AOPEP: variants seen among roughly 807,000 people sequenced by gnomAD.
AOPEP encodes the protein aminopeptidase O (putative).
In AOPEP, 77 loss-of-function variants were observed where a neutral mutation model predicts 98.1. That is an observed-to-expected ratio of 0.78 (90% CI 0.65 to 0.95). The LOEUF is 0.95. Ranked by LOEUF, AOPEP falls within the 40% of genes least tolerant of loss-of-function variation. AOPEP has a pLI of 0.00. For missense variants in AOPEP, 1,024 were observed against 1,024.7 expected, an observed-to-expected ratio of 1.00 and a Z score of 0.01; for synonymous variants, 346 against 365.3, an observed-to-expected ratio of 0.95 and a Z score of 0.60.
chr9:95,126,110 T>A, the AOPEP span, among the ~76,000 whole-genome samples: 5 of 152,218 alleles, frequency 3.3e-5, no homozygotes, highest in African/African-American at 1.2e-4. Flanking sequence ...TCAGAAGAGT[T>A]CTGTTAAGAA....
Position 94,748,891 on chromosome 9 carries a change from C to T in AOPEP, c.-135-10758C>T, listed in dbSNP as rs1258715063. Among the ~76,000 whole-genome samples, 3 of 152,170 alleles carry T rather than the reference C, an allele frequency of 2.0e-5. No homozygotes were observed. The East Asian group carries it at 5.8e-4, about 29-fold the overall frequency. ...ATAATGATAACAATATGACTTATCACTGGTGATATTAAACTTGATTAAACT... is the reference window on the plus strand; with the variant it reads ...ATAATGATAACAATATGACTTATCATTGGTGATATTAAACTTGATTAAACT... On this transcript the variant is annotated intron_variant, in intron 1 of 16. Coordinates refer to ENST00000375315, the MANE Select transcript of AOPEP (RefSeq NM_001193329.3).
intron 5 of AOPEP, among the ~76,000 whole-genome samples, chr9:94,862,648 A>G (rs774003477): frequency 7.2e-5 from 11 of 152,136 alleles, no homozygotes; most frequent in Non-Finnish European, 1.3e-4. Flanking sequence ...GCCTCCCTGG[A>G]ACCTTCTCCC....
At chr9:95,060,203 C>G (rs1313725081) in intron 13 of AOPEP, among the ~76,000 whole-genome samples, 1 of 152,130 alleles carries the variant, frequency 6.6e-6, no homozygotes, top group Non-Finnish European at 1.5e-5. Context: ...ACAGTTCTTT[C>G]AGTATGTGCT....
intron 11 of AOPEP, among the ~76,000 whole-genome samples, chr9:94,987,965 G>T (rs1172995753): frequency 6.6e-6 from 1 of 152,138 alleles, no homozygotes; most frequent in African/African-American, 2.4e-5. Flanking sequence ...TGGGTCAGCA[G>T]CCTTGCCTGG....
chr9:94,730,453 G>A (rs1031153821), intron 1 of AOPEP, among the ~76,000 whole-genome samples: 10 of 152,148 alleles, frequency 6.6e-5, no homozygotes, highest in Admixed American at 3.9e-4. Flanking sequence ...ACTTCCAGGC[G>A]TAGTGACCAT....
At chr9:95,083,727 G>C (rs1394383326) in intron 16 of AOPEP, among the ~76,000 whole-genome samples, 1 of 152,058 alleles carries the variant, frequency 6.6e-6, no homozygotes, top group Non-Finnish European at 1.5e-5. Flanking sequence ...GGCACACACA[G>C]TGCACGCACC....
At chr9:94,992,997 G>A (rs951284792) in intron 11 of AOPEP, among the ~76,000 whole-genome samples, 26 of 152,114 alleles carry the variant, frequency 1.7e-4, no homozygotes, top group African/African-American at 6.3e-4. Context: ...TTCTTTTCCA[G>A]TGGAAAATTG....
At chr9:94,988,332 G>C (rs992541137) in intron 11 of AOPEP, among the ~76,000 whole-genome samples, 8 of 152,076 alleles carry the variant, frequency 5.3e-5, no homozygotes, top group African/African-American at 1.9e-4. Flanking sequence ...AGAGTCGATT[G>C]CCCACAGCTT....
chr9:94,742,495 G>A (rs1020867343), intron 1 of AOPEP, among the ~76,000 whole-genome samples: 2 of 151,566 alleles, frequency 1.3e-5, no homozygotes, highest in Non-Finnish European at 2.9e-5. Context: ...GTGCAGTGGC[G>A]CGATCCTTGG....
At chr9:95,020,397 T>G (rs1352241668) in intron 13 of AOPEP, among the ~76,000 whole-genome samples, 2 of 152,160 alleles carry the variant, frequency 1.3e-5, no homozygotes, top group African/African-American at 2.4e-5. Flanking sequence ...TATTGAGGAC[T>G]TTTCCATTTG....
At chr9:95,107,842 G>A in the AOPEP span, among the ~76,000 whole-genome samples, 3 of 152,248 alleles carry the variant, frequency 2.0e-5, no homozygotes, top group East Asian at 1.9e-4. Flanking sequence ...CTGTTCATAC[G>A]TGTTTAATGC....
rs1366705468 is a variant in AOPEP at position 94,760,219 on chromosome 9, T to C, written c.436T>C (p.Leu146=). Residue 146 remains leucine (L), a synonymous_variant, in exon 2 of 17, where the codon TTG becomes CTG. Coordinates refer to ENST00000375315, the MANE Select transcript of AOPEP (RefSeq NM_001193329.3). Reference sequence around the variant, plus strand: ...TGGGAGTGAGGATTTTTTGCTAGTGTTGGACTGCTGTGATTTATCTGTGTT... The same window carrying C: ...TGGGAGTGAGGATTTTTTGCTAGTGCTGGACTGCTGTGATTTATCTGTGTT... The part of the protein sequence containing the change: ...NHGSEDFLLV[L]DCCDLSVLKV... 1.9e-6 allele frequency: 3 copies of C among 1,614,062 alleles called. No individual in the cohort carries two copies. Among genetic ancestry groups the C allele is most frequent in the African/African-American group, 2.7e-5 (2 of 74,914 alleles).
At chr9:94,967,037 T>C (rs940776905) in intron 9 of AOPEP, among the ~76,000 whole-genome samples, 1 of 152,158 alleles carries the variant, frequency 6.6e-6, no homozygotes, top group African/African-American at 2.4e-5. Flanking sequence ...GGAAAGTGGA[T>C]AGGGCGGGAT....
rs2064421024 is a variant in AOPEP at position 95,032,648 on chromosome 9, C to A, written c.2115+27032C>A. On this transcript the variant is annotated intron_variant, in intron 13 of 16. Transcript: ENST00000375315. ...ACTCTGCTCTAGGCACAAAACCTCA[C>A]TTTGGAATACTTCACCTGCAACAGA... 2.0e-5 allele frequency among the ~76,000 whole-genome samples: 3 copies of A among 152,194 alleles called. 1 individual carries two copies. The highest frequency in any genetic ancestry group is 7.2e-5 in the African/African-American group (3 of 41,448).
At chr9:94,757,431 A>C (rs1837308878) in intron 1 of AOPEP, among the ~76,000 whole-genome samples, 2 of 152,234 alleles carry the variant, frequency 1.3e-5, no homozygotes, top group African/African-American at 2.4e-5. Flanking sequence ...TAGAGGCGGC[A>C]GTGGTTAGCC....
the AOPEP span, among the ~76,000 whole-genome samples, chr9:95,108,909 C>CT: frequency 7.6e-4 from 110 of 144,332 alleles, no homozygotes; most frequent in South Asian, 6.8e-3. Flanking sequence ...TCTTCAAGAC[C>CT]TTTTTTTTTT....
chr9:94,871,053 G>A (rs1461684592), intron 5 of AOPEP, among the ~76,000 whole-genome samples: 2 of 152,214 alleles, frequency 1.3e-5, no homozygotes, highest in South Asian at 2.1e-4. Context: ...TAATGTGGGT[G>A]TGGGCGCAGG....
chr9:94,857,394 G>T (rs897993451), intron 5 of AOPEP, among the ~76,000 whole-genome samples: 2 of 152,174 alleles, frequency 1.3e-5, no homozygotes, highest in African/African-American at 4.8e-5. Flanking sequence ...ATTTGCTTTG[G>T]TAGGATTAAT....
intron 14 of AOPEP, 88 bp from the exon 15 acceptor site, chr9:95,080,606 C>T (rs1044401318): frequency 1.3e-5 from 11 of 841,592 alleles, no homozygotes; most frequent in Admixed American, 5.6e-5. Context: ...CACAGCTTTC[C>T]GGAATACAGA....
Sources: gnomAD v4.1 joint callset for allele counts (sites outside exome capture counted in the v4.1 genomes callset) on GRCh38, gnomAD v4.1.1 for gene constraint, MANE v1.5 for transcripts, NCBI Gene and HGNC (gene_info 2026-07-23, HGNC 2026-07-21) for gene names.